The following TBC1D32 variants were observed in gnomAD, a reference collection of about 807,000 sequenced individuals.
The protein encoded by TBC1D32 is protein broad-minded.
Under a neutral mutation model 170.3 loss-of-function variants are expected in TBC1D32, and 151 were observed. The ratio of observed to expected loss-of-function variants is 0.89; its 90% confidence interval spans 0.78 to 1.01. TBC1D32 has a LOEUF of 1.01. Among genes scored for constraint, TBC1D32 ranks in the 50% least tolerant of loss-of-function variants. The pLI is 0.00. For synonymous variants in TBC1D32, 498 were observed against 488.0 expected, an observed-to-expected ratio of 1.02 and a Z score of -0.27; for missense variants, 1,464 against 1,457.1, an observed-to-expected ratio of 1.00 and a Z score of -0.08.
At chr6:121,302,189 C>A (rs909310685) in intron 9 of TBC1D32, among the ~76,000 whole-genome samples, 1 of 152,006 alleles carries the variant, frequency 6.6e-6, no homozygotes, top group Admixed American at 6.6e-5. Flanking sequence ...CTGCCTAGAC[C>A]CACTTTTGCA....
intron 24 of TBC1D32, among the ~76,000 whole-genome samples, chr6:121,136,792 T>C (rs754535421): frequency 3.3e-5 from 5 of 152,192 alleles, no homozygotes; most frequent in Non-Finnish European, 7.4e-5. Flanking sequence ...TTCTGTTGTA[T>C]ATAGAAATTT....
intron 4 of TBC1D32, among the ~76,000 whole-genome samples, chr6:121,310,186 G>A (rs1249100629): frequency 1.3e-5 from 2 of 152,032 alleles, no homozygotes. Flanking sequence ...ATAACATGAT[G>A]ACATGATGAC....
At chr6:121,151,762 T>C (rs867957624) in intron 24 of TBC1D32, among the ~76,000 whole-genome samples, 1 of 152,210 alleles carries the variant, frequency 6.6e-6, no homozygotes, top group Admixed American at 6.5e-5. Flanking sequence ...GTAATGCCCT[T>C]CATTGTCTTT....
chr6:121,137,582 G>C lies in TBC1D32; in HGVS notation c.2774-5830C>G, dbSNP rs577548976. ...AAGTTTCATGTTTAAAAAATCGATT[G>C]ATAGTTGAAAATATTTCAAAAACTC... On this transcript the variant is annotated intron_variant, in intron 24 of 31. Transcript: ENST00000398212. Among the ~76,000 whole-genome samples, 30 of 151,490 alleles carry C rather than the reference G, an allele frequency of 2.0e-4. 2 individuals carry two copies. In the South Asian group the frequency reaches 5.6e-3, roughly 28 times the overall value.
intron 24 of TBC1D32, among the ~76,000 whole-genome samples, chr6:121,152,743 A>C (rs1361140000): frequency 1.3e-5 from 2 of 151,860 alleles, no homozygotes; most frequent in Admixed American, 1.3e-4. Flanking sequence ...GCTTTATTTC[A>C]TGAAGCTCAT....
Position 121,220,953 on chromosome 6 carries a change from A to G in TBC1D32, c.2481+2283T>C, listed in dbSNP as rs547692796. On this transcript the variant is annotated intron_variant, in intron 21 of 31. Coordinates refer to ENST00000398212, the MANE Select transcript of TBC1D32 (RefSeq NM_152730.6). ...ACGACGCCCGGCCAAGAGATTTTCA[A>G]TGCAAACAAAACAGCCTTATATTGG... is the stretch of plus-strand genomic sequence containing the variant. Among the ~76,000 whole-genome samples the G allele has an allele frequency of 1.5e-3, 228 of 152,106 alleles. 2 individuals carry two copies. Among genetic ancestry groups the G allele is most frequent in the African/African-American group, 5.3e-3 (220 of 41,526 alleles).
At chr6:121,118,063 A>G (rs1779867024) in intron 26 of TBC1D32, among the ~76,000 whole-genome samples, 1 of 152,190 alleles carries the variant, frequency 6.6e-6, no homozygotes, top group African/African-American at 2.4e-5. Flanking sequence ...AGTGTGTAGG[A>G]TACATAACAC....
intron 30 of TBC1D32, among the ~76,000 whole-genome samples, chr6:121,098,472 A>C (rs1777670144): frequency 6.6e-6 from 1 of 151,934 alleles, no homozygotes; most frequent in African/African-American, 2.4e-5. Flanking sequence ...CACTTCATTG[A>C]TCGTGAATTT....
chr6:121,110,147 A>C (rs1046741153), intron 29 of TBC1D32, among the ~76,000 whole-genome samples: 2 of 151,504 alleles, frequency 1.3e-5, no homozygotes, highest in Non-Finnish European at 2.9e-5. Context: ...GCTACTCGGG[A>C]GGCTGAGGCA....
Position 121,080,542 on chromosome 6 carries a change from CT to C in TBC1D32, c.*228del. ...ACTAACTCTTAAACATGAATAAGAA[CT>C]AAAAGTAAGCTAGATCTGATTCTAT... On this transcript the variant is annotated 3_prime_UTR_variant, in exon 32 of 32. Coordinates refer to ENST00000398212, the MANE Select transcript of TBC1D32 (RefSeq NM_152730.6). 1 of 477,002 alleles carries C rather than the reference CT, an allele frequency of 2.1e-6. No homozygotes were observed. Among genetic ancestry groups the C allele is most frequent in the Non-Finnish European group, 3.4e-6 (1 of 291,124 alleles). The allele number at this position is 477,002 out of a possible 1,614,324, so 29.5% of individuals were successfully genotyped here. A position where few individuals can be genotyped will look rare whatever the true frequency, so the allele number is the denominator to read the frequency against.
rs1177776948 is a variant in TBC1D32 at position 121,294,712 on chromosome 6, A to C, written c.1141-52T>G. ...CAGAACTTTGCAGCCCTCAAGTCCA[A>C]GAATTAAAAGAAATTAGTCAAAGCT... is the stretch of plus-strand genomic sequence containing the variant. On this transcript the variant is annotated intron_variant, in intron 10 of 31. Coordinates refer to ENST00000398212, the MANE Select transcript of TBC1D32 (RefSeq NM_152730.6). 1.5e-6 allele frequency: 2 copies of C among 1,334,664 alleles called. 1 individual carries two copies. Among genetic ancestry groups the C allele is most frequent in the South Asian group, 2.4e-5 (2 of 82,584 alleles). 82.7% of individuals were successfully genotyped at this position (1,334,664 alleles called of 1,614,324 possible).
intron 14 of TBC1D32, 80 bp from the exon 15 acceptor site, chr6:121,279,325 G>T (rs1037990149): frequency 2.0e-6 from 3 of 1,473,140 alleles, no homozygotes; most frequent in African/African-American, 2.9e-5. Context: ...TCCGAGGATT[G>T]TAAGTAGTCT....
intron 1 of TBC1D32, among the ~76,000 whole-genome samples, chr6:121,330,445 T>C (rs899251349): frequency 6.6e-6 from 1 of 152,188 alleles, no homozygotes; most frequent in South Asian, 2.1e-4. Flanking sequence ...TCAATAAATA[T>C]TACTATGGTC....
intron 15 of TBC1D32, among the ~76,000 whole-genome samples, chr6:121,271,593 A>C (rs1801439196): frequency 6.6e-6 from 1 of 152,160 alleles, no homozygotes; most frequent in African/African-American, 2.4e-5. Context: ...ACTACAAACC[A>C]CTGCTCAATG....
chr6:121,307,742 T>G (rs571704110), intron 5 of TBC1D32, among the ~76,000 whole-genome samples: 1 of 152,036 alleles, frequency 6.6e-6, no homozygotes, highest in East Asian at 1.9e-4. Context: ...ATGCCTATAA[T>G]CCCAGCTACT....
At chr6:121,082,451 C>T (rs565091091) in intron 31 of TBC1D32, among the ~76,000 whole-genome samples, 1 of 152,030 alleles carries the variant, frequency 6.6e-6, no homozygotes, top group Admixed American at 6.6e-5. Flanking sequence ...TGTGACGTGG[C>T]TTTAACTACC....
intron 22 of TBC1D32, among the ~76,000 whole-genome samples, chr6:121,174,894 G>A (rs1225927597): frequency 2.6e-5 from 4 of 151,898 alleles, no homozygotes; most frequent in Non-Finnish European, 4.4e-5. Flanking sequence ...AGCTGCTCAT[G>A]GTGGCACACA....
intron 31 of TBC1D32, among the ~76,000 whole-genome samples, chr6:121,089,490 G>C (rs1364021195): frequency 6.6e-6 from 1 of 152,092 alleles, no homozygotes; most frequent in Non-Finnish European, 1.5e-5. Context: ...CCTACATTTT[G>C]TATTCAACAT....
At position 121,135,207 on chromosome 6, in the gene TBC1D32, T is replaced by C. The variant is rs867211569; in HGVS notation, c.2774-3455A>G. On this transcript the variant is annotated intron_variant, in intron 24 of 31. Coordinates refer to ENST00000398212, the MANE Select transcript of TBC1D32 (RefSeq NM_152730.6). The stretch of plus-strand genomic sequence containing the variant: ...AGGGAAAATGAAAGCTCCTCCATAA[T>C]AGATATTTTATATGACAATTCTAAA... Among the ~76,000 whole-genome samples the C allele has an allele frequency of 1.6e-3, 240 of 152,104 alleles. 1 individual carries two copies. The highest frequency in any genetic ancestry group is 5.4e-3 in the African/African-American group (225 of 41,424).
Sources: allele counts gnomAD v4.1 joint callset (sites outside exome capture counted in the v4.1 genomes callset), GRCh38; gene constraint gnomAD v4.1.1; transcripts MANE v1.5; gene names NCBI Gene and HGNC (gene_info 2026-07-23, HGNC 2026-07-21).